PEBP4: variants seen among roughly 807,000 people sequenced by gnomAD.
PEBP4 encodes phosphatidylethanolamine-binding protein 4.
A neutral mutation model predicts 23.9 loss-of-function variants in PEBP4; 22 were observed. The ratio of observed to expected loss-of-function variants is 0.92; its 90% CI spans 0.66 to 1.31. The LOEUF (loss-of-function observed/expected upper bound fraction) is 1.31, where lower values mean the gene tolerates loss of function less well. Ranked by LOEUF, PEBP4 falls within the 40% of genes most tolerant of loss-of-function variation. The pLI is 0.00. For synonymous variants in PEBP4, 112 were observed against 99.3 expected, an observed-to-expected ratio of 1.13 and a Z score of -0.76; for missense variants, 324 against 281.7, an observed-to-expected ratio of 1.15 and a Z score of -1.07.
intron 3 of PEBP4, among the ~76,000 whole-genome samples, chr8:22,847,085 A>G (rs1179276291): frequency 2.6e-5 from 4 of 152,188 alleles, no homozygotes; most frequent in Non-Finnish European, 5.9e-5. Flanking sequence ...AATGATGTGC[A>G]TGTCCAATCC....
At chr8:22,792,743 A>G (rs528290859) in intron 4 of PEBP4, among the ~76,000 whole-genome samples, 2 of 152,204 alleles carry the variant, frequency 1.3e-5, no homozygotes, top group Admixed American at 1.3e-4. Flanking sequence ...CTGTTGGCCC[A>G]GTAGGGAGAC....
chr8:22,924,829 G>A (rs777821112), intron 2 of PEBP4: 56 of 985,238 alleles, frequency 5.7e-5, no homozygotes, highest in Non-Finnish European at 6.6e-5. Flanking sequence ...GGTCTTGTCT[G>A]GGGTATCTCA....
chr8:22,933,997 C>T (rs1233427768), intron 1 of PEBP4, among the ~76,000 whole-genome samples: 5 of 152,134 alleles, frequency 3.3e-5, no homozygotes, highest in Admixed American at 3.3e-4. Context: ...AGAAATCACA[C>T]AGTGAAATAG....
intron 6 of PEBP4, among the ~76,000 whole-genome samples, chr8:22,715,286 C>T (rs1804391420): frequency 6.6e-6 from 1 of 152,228 alleles, no homozygotes; most frequent in Non-Finnish European, 1.5e-5. Flanking sequence ...CTCAGTGTCA[C>T]CTGAGTGTCC....
intron 3 of PEBP4, among the ~76,000 whole-genome samples, chr8:22,845,276 G>A (rs190143737): frequency 7.9e-5 from 12 of 151,868 alleles, no homozygotes; most frequent in African/African-American, 2.9e-4. Context: ...GCTCACGCCT[G>A]TAACCCCAAC....
At chr8:22,735,025 G>A (rs773811631) in intron 4 of PEBP4, among the ~76,000 whole-genome samples, 4 of 152,188 alleles carry the variant, frequency 2.6e-5, no homozygotes, top group African/African-American at 4.8e-5. Context: ...ATGTCACACC[G>A]TCTTGCAGCT....
intron 3 of PEBP4, among the ~76,000 whole-genome samples, chr8:22,869,370 A>G (rs1350105486): frequency 6.6e-6 from 1 of 152,230 alleles, no homozygotes; most frequent in Admixed American, 6.5e-5. Flanking sequence ...CCTACCAGAA[A>G]GTGAGCTCCA....
chr8:22,928,509 G>A (rs1809401868), upstream of PEBP4, among the ~76,000 whole-genome samples: 1 of 152,204 alleles, frequency 6.6e-6, no homozygotes, highest in South Asian at 2.1e-4. Context: ...TGCCCCAGCA[G>A]TGCACTGGGA....
At chr8:22,776,032 G>A (rs1254765319) in intron 4 of PEBP4, among the ~76,000 whole-genome samples, 1 of 152,104 alleles carries the variant, frequency 6.6e-6, no homozygotes, top group Non-Finnish European at 1.5e-5. Context: ...TCTGTGGCAG[G>A]GGCTGCCTGG....
intron 3 of PEBP4, among the ~76,000 whole-genome samples, chr8:22,907,274 A>G (rs1455224972): frequency 6.6e-6 from 1 of 152,224 alleles, no homozygotes; most frequent in Non-Finnish European, 1.5e-5. Flanking sequence ...AGCCTGGCCA[A>G]CATGGTGAAA....
upstream of PEBP4, among the ~76,000 whole-genome samples, chr8:22,929,224 A>G (rs1383806740): frequency 1.3e-5 from 2 of 152,140 alleles, no homozygotes; most frequent in Non-Finnish European, 2.9e-5. Context: ...TTCCTTTGCA[A>G]CCCACTTCAC....
intron 4 of PEBP4, among the ~76,000 whole-genome samples, chr8:22,784,296 G>T (rs1805985387): frequency 6.6e-6 from 1 of 152,226 alleles, no homozygotes; most frequent in African/African-American, 2.4e-5. Flanking sequence ...GGTGGGGCTT[G>T]CGTAGAACAC....
intron 3 of PEBP4, among the ~76,000 whole-genome samples, chr8:22,845,864 G>T (rs1333447238): frequency 6.6e-6 from 1 of 152,228 alleles, no homozygotes; most frequent in Non-Finnish European, 1.5e-5. Flanking sequence ...TCTGGACCTG[G>T]CACGGGCCTG....
At chr8:22,805,436 C>T (rs1053390820) in intron 4 of PEBP4, among the ~76,000 whole-genome samples, 3 of 152,258 alleles carry the variant, frequency 2.0e-5, no homozygotes, top group African/African-American at 7.2e-5. Context: ...AAGCGATTCT[C>T]CTGCCTCAGC....
chr8:22,800,619 G>A (rs1217547512), intron 4 of PEBP4, among the ~76,000 whole-genome samples: 2 of 152,034 alleles, frequency 1.3e-5, no homozygotes, highest in African/African-American at 2.4e-5. Context: ...TGGGCAAACC[G>A]CACATCAGGC....
At position 22,819,048 on chromosome 8, in the gene PEBP4, AT is replaced by A. The variant is rs1432259268; in HGVS notation, c.259-1314del. ...AATGCCCCTCAGAATATAGGTATGC[AT>A]GTCGGTCTGTAATTCAGAGGAGAGA... On this transcript the variant is annotated intron_variant, in intron 3 of 6. Transcript: ENST00000256404. Among the ~76,000 whole-genome samples, 43 of 152,236 alleles carry A rather than the reference AT, an allele frequency of 2.8e-4. 1 individual carries two copies. The highest frequency in any genetic ancestry group is 4.7e-4 in the Non-Finnish European group (32 of 68,032).
chr8:22,931,424 T>C, upstream of PEBP4, among the ~76,000 whole-genome samples: 1 of 151,942 alleles, frequency 6.6e-6, no homozygotes, highest in East Asian at 1.9e-4. Context: ...ACAACCCTAA[T>C]CTATTTTCCG....
Position 22,775,867 on chromosome 8 carries a change from G to T in PEBP4, c.357+41770C>A, listed in dbSNP as rs1017774348. On this transcript the variant is annotated intron_variant, in intron 4 of 6. Transcript: ENST00000256404. This position sits in a 1 kb window ranked among gnomAD's most constrained non-coding sequence, Gnocchi z 4.8. ...GGATTGCCCGACTCCTTGGCTCTTG[G>T]GGGGGTTTCCCGTTCTGGAGGCGCC... 9.9e-5 allele frequency among the ~76,000 whole-genome samples: 15 copies of T among 152,104 alleles called. No homozygotes were observed. The highest frequency in any genetic ancestry group is 3.4e-4 in the African/African-American group (14 of 41,408).
intron 3 of PEBP4, among the ~76,000 whole-genome samples, chr8:22,872,962 C>T (rs1808037966): frequency 1.3e-5 from 2 of 152,152 alleles, no homozygotes; most frequent in Admixed American, 1.3e-4. Context: ...CAGGTATGAG[C>T]CACCACGCCC....
Sources: allele counts gnomAD v4.1 joint callset (sites outside exome capture counted in the v4.1 genomes callset), GRCh38; gene constraint gnomAD v4.1.1; non-coding constraint Gnocchi (gnomAD v3.1); transcripts MANE v1.5; gene names NCBI Gene and HGNC (gene_info 2026-07-23, HGNC 2026-07-21).